Variants in IPO8 observed in about 807,000 individuals in gnomAD.
The protein encoded by IPO8 is importin-8.
In IPO8, 65 loss-of-function variants were observed where a neutral mutation model predicts 141.2. That is an observed-to-expected ratio of 0.46 (90% CI 0.38 to 0.57). The LOEUF (loss-of-function observed/expected upper bound fraction) is 0.57, where lower values mean the gene tolerates loss of function less well. Among genes scored for constraint, IPO8 ranks in the 20% least tolerant of loss-of-function variants. IPO8 has a pLI of 0.00. For synonymous variants in IPO8, 411 were observed against 420.3 expected (o/e 0.98, Z 0.27); for missense variants, 980 against 1,246.8 (o/e 0.79, Z 3.22).
In IPO8 at chr12:30,630,875, C is replaced by T; in HGVS notation, c.3099G>A (p.Val1033=). ...GVLSAFNFGT[V]PSNN ...GTTCTTTCCTTCAGTTGTTGCTGGGCACAGTCCCAAAATTAAATGCGGAGA... is the reference window on the plus strand; with the variant it reads ...GTTCTTTCCTTCAGTTGTTGCTGGGTACAGTCCCAAAATTAAATGCGGAGA... The change falls in exon 25 of 25, where the codon GTG becomes GTA. Residue 1033 remains valine (V), a synonymous_variant. Transcript: ENST00000256079. 1 of 1,612,984 alleles carries T rather than the reference C, an allele frequency of 6.2e-7. No individual in the cohort carries two copies.
At chr12:30,652,367 T>C (rs1442402250) in intron 18 of IPO8, 78 bp from the exon 19 acceptor site, 5 of 825,236 alleles carry the variant, frequency 6.1e-6, no homozygotes, top group East Asian at 2.5e-5. Flanking sequence ...ACCATATTTC[T>C]GTAGCACCCA....
At chr12:30,687,225 A>G (rs2053250802) in intron 2 of IPO8, among the ~76,000 whole-genome samples, 1 of 152,226 alleles carries the variant, frequency 6.6e-6, no homozygotes, top group African/African-American at 2.4e-5. Context: ...GATTAAATAG[A>G]GCAGAAAATC....
At chr12:30,686,810 CTATTAA>C (rs2053247057) in intron 2 of IPO8, among the ~76,000 whole-genome samples, 1 of 151,876 alleles carries the variant, frequency 6.6e-6, no homozygotes, top group South Asian at 2.1e-4. Flanking sequence ...TCATTAAATA[CTATTAA>C]TATTAATTTT....
At chr12:30,681,403 A>C (rs1169839968) in intron 4 of IPO8, among the ~76,000 whole-genome samples, 1 of 152,238 alleles carries the variant, frequency 6.6e-6, no homozygotes, top group Non-Finnish European at 1.5e-5. Context: ...CTGTTAATAA[A>C]TGGTACTGTG....
At chr12:30,688,506 C>T (rs1304797694) in intron 2 of IPO8, 2 of 357,864 alleles carry the variant, frequency 5.6e-6, no homozygotes, top group South Asian at 2.1e-5. Flanking sequence ...GCAAAAATCA[C>T]AACATTCTTT....
At chr12:30,688,434 GTA>G in intron 2 of IPO8, 2 of 441,950 alleles carry the variant, frequency 4.5e-6, no homozygotes, top group Admixed American at 2.5e-5. Flanking sequence ...TTTTGCAGAT[GTA>G]TTTCCACTTA....
At chr12:30,631,190 C>T (rs1002564906) in intron 24 of IPO8, among the ~76,000 whole-genome samples, 20 of 152,110 alleles carry the variant, frequency 1.3e-4, no homozygotes, top group Admixed American at 1.3e-3. Flanking sequence ...AAAGAAAACA[C>T]GTCTCAGAGG....
chr12:30,683,443 A>T (rs1390230205), intron 3 of IPO8, among the ~76,000 whole-genome samples: 1 of 152,160 alleles, frequency 6.6e-6, no homozygotes, highest in Non-Finnish European at 1.5e-5. Context: ...ATATTAAAAA[A>T]TTTCATTCCT....
intron 1 of IPO8, among the ~76,000 whole-genome samples, chr12:30,694,420 C>T (rs572213993): frequency 6.6e-6 from 1 of 152,316 alleles, no homozygotes; most frequent in African/African-American, 2.4e-5. Flanking sequence ...CTCCAAACTC[C>T]ACCTAGGTTT....
chr12:30,669,440 T>A (rs1052454660), intron 9 of IPO8, among the ~76,000 whole-genome samples, 158 bp from the exon 10 acceptor site: 1 of 152,176 alleles, frequency 6.6e-6, no homozygotes. Context: ...ACTATTATAG[T>A]TCTTATTTTG....
At chr12:30,692,134 G>C (rs2053296260) in intron 1 of IPO8, among the ~76,000 whole-genome samples, 1 of 152,138 alleles carries the variant, frequency 6.6e-6, no homozygotes. Context: ...ATGAATCAAA[G>C]ATTAAAACAT....
rs200264104 is a variant in IPO8 at position 30,644,663 on chromosome 12, T to G, written c.2268+4474A>C. ...GTGTTTTTTTTTTTTGTTTTTTTTT[T>G]TTTTTGGAGACAGAGGAATTTTGCT... On this transcript the variant is annotated intron_variant, in intron 20 of 24. Transcript: ENST00000256079. 5.3e-3 allele frequency among the ~76,000 whole-genome samples: 808 copies of G among 151,464 alleles called. 5 individuals are homozygous for G. The highest frequency in any genetic ancestry group is 0.016 in the South Asian group (77 of 4,784).
In IPO8 at chr12:30,660,435, G is replaced by A. The variant is rs539768497; in HGVS notation, c.1881+706C>T. 3.2e-4 allele frequency among the ~76,000 whole-genome samples: 48 copies of A among 152,288 alleles called. 1 individual carries two copies. The South Asian group carries it at 9.3e-3, about 30-fold the overall frequency. The stretch of plus-strand genomic sequence containing the variant: ...TAAACTGATACATTATCAAAATGAT[G>A]TGACTACAAACCCAAATGTACAACT... On this transcript the variant is annotated intron_variant, in intron 16 of 24. Transcript: ENST00000256079.
intron 8 of IPO8, among the ~76,000 whole-genome samples, chr12:30,671,968 T>A (rs1222168064): frequency 6.6e-6 from 1 of 152,054 alleles, no homozygotes; most frequent in Non-Finnish European, 1.5e-5. Context: ...CATGGGAGAA[T>A]TTTCTTTTAT....
chr12:30,636,514 A>G (rs1421177717), intron 22 of IPO8, among the ~76,000 whole-genome samples: 1 of 152,074 alleles, frequency 6.6e-6, no homozygotes, highest in Non-Finnish European at 1.5e-5. Flanking sequence ...CTCAAATGTA[A>G]TTTTTGCTAA....
Position 30,656,767 on chromosome 12 carries a change from A to T in IPO8, c.1882-17T>A. The T allele has an allele frequency of 8.1e-7, 1 of 1,241,070 alleles. No homozygotes were observed. The highest frequency in any genetic ancestry group is 1.1e-6 in the Non-Finnish European group (1 of 885,096). The allele number at this position is 1,241,070 out of a possible 1,614,324, so 76.9% of individuals were successfully genotyped here. ...CTGGGTAATCTAAAGATAAATGTTA[A>T]ATATTAAGCTTAAAATTATCATAAT... On this transcript the variant is annotated splice_polypyrimidine_tract_variant and intron_variant, in intron 16 of 24. Coordinates refer to ENST00000256079, the MANE Select transcript of IPO8 (RefSeq NM_006390.4).
chr12:30,661,800 C>A (rs896511406), intron 15 of IPO8, among the ~76,000 whole-genome samples: 4 of 151,774 alleles, frequency 2.6e-5, no homozygotes, highest in Admixed American at 6.6e-5. Flanking sequence ...TGATTCAAAG[C>A]CCAGAAATTA....
chr12:30,641,005 T>C (rs992517178), intron 20 of IPO8, among the ~76,000 whole-genome samples: 3 of 152,162 alleles, frequency 2.0e-5, no homozygotes, highest in African/African-American at 7.2e-5. Context: ...AAAATAAAGT[T>C]TCATTTTAAC....
chr12:30,695,522 G>T lies in IPO8; in HGVS notation c.84+42C>A. ...GGGAGCCCGGCCAGCCGGCAGGGGC[G>T]CCCCTTCGGCGGAAGAGGGTCGCCG... is the stretch of plus-strand genomic sequence containing the variant. On this transcript the variant is annotated intron_variant, in intron 1 of 24. Transcript: ENST00000256079. This position sits in a 1 kb window ranked among gnomAD's most constrained non-coding sequence, Gnocchi z 4.2. 2 of 1,567,396 alleles carry T rather than the reference G, an allele frequency of 1.3e-6. No individual in the cohort carries two copies. Among genetic ancestry groups the T allele is most frequent in the South Asian group, 1.1e-5 (1 of 90,058 alleles).
Sources: gnomAD v4.1 joint callset for allele counts (sites outside exome capture counted in the v4.1 genomes callset) on GRCh38, gnomAD v4.1.1 for gene constraint, Gnocchi (gnomAD v3.1) non-coding constraint, MANE v1.5 for transcripts, NCBI Gene and HGNC (gene_info 2026-07-23, HGNC 2026-07-21) for gene names.